The following TTLL9 variants were observed in gnomAD, a reference collection of about 807,000 sequenced individuals.
The protein encoded by TTLL9 is tubulin tyrosine ligase like 9, also known as probable tubulin polyglutamylase TTLL9.
Under a neutral mutation model 65.6 loss-of-function variants are expected in TTLL9, and 47 were observed. The ratio of observed to expected loss-of-function variants is 0.72; its 90% CI spans 0.57 to 0.91. TTLL9 has a LOEUF of 0.91. TTLL9 is among the 40% of genes least tolerant of loss of function. The pLI, the probability that TTLL9 is intolerant of heterozygous loss-of-function variation, is 0.00. For missense variants in TTLL9, 537 were observed against 568.8 expected (o/e 0.94, Z 0.57); for synonymous variants, 179 against 204.8 (o/e 0.87, Z 1.07).
At chr20:31,910,222 T>C (rs1308063270) in intron 6 of TTLL9, among the ~76,000 whole-genome samples, 1 of 152,220 alleles carries the variant, frequency 6.6e-6, no homozygotes, top group Non-Finnish European at 1.5e-5. Context: ...CCAGTCCTCA[T>C]AGTGACCCTC....
At chr20:31,890,737 T>C (rs960161571) in intron 3 of TTLL9, among the ~76,000 whole-genome samples, 13 of 152,172 alleles carry the variant, frequency 8.5e-5, no homozygotes, top group African/African-American at 3.1e-4. Flanking sequence ...TTATCCTAAG[T>C]GAGAGATGAG....
At chr20:31,916,895 C>T (rs1056383545) in intron 6 of TTLL9, among the ~76,000 whole-genome samples, 2 of 152,154 alleles carry the variant, frequency 1.3e-5, no homozygotes, top group Non-Finnish European at 2.9e-5. Context: ...CAAAACTGGT[C>T]ATGTGGTTTC....
intron 6 of TTLL9, among the ~76,000 whole-genome samples, chr20:31,916,220 A>G (rs2063731551): frequency 6.6e-6 from 1 of 152,214 alleles, no homozygotes; most frequent in Admixed American, 6.5e-5. Flanking sequence ...GGCAGAAGCT[A>G]TATTGCCTTT....
chr20:31,938,682 A>G (rs1600632010), intron 13 of TTLL9, among the ~76,000 whole-genome samples: 1 of 152,274 alleles, frequency 6.6e-6, no homozygotes, highest in East Asian at 1.9e-4. Flanking sequence ...GTTTGAGACC[A>G]TCCTGGCCAA....
chr20:31,888,956 T>C (rs1336559491), intron 3 of TTLL9, among the ~76,000 whole-genome samples: 2 of 151,886 alleles, frequency 1.3e-5, no homozygotes, highest in Admixed American at 6.6e-5. Flanking sequence ...ACTTTCAACA[T>C]TGAGAATCAC....
chr20:31,890,954 A>G (rs2063300551), intron 3 of TTLL9, among the ~76,000 whole-genome samples: 1 of 152,154 alleles, frequency 6.6e-6, no homozygotes. Flanking sequence ...TGCCAAAGGG[A>G]TATGGGTGGA....
intron 4 of TTLL9, among the ~76,000 whole-genome samples, chr20:31,908,325 A>G (rs756598645): frequency 6.6e-6 from 1 of 152,130 alleles, no homozygotes; most frequent in Non-Finnish European, 1.5e-5. Context: ...CAGCCCAGCT[A>G]ATAGGTGCCA....
chr20:31,903,567 A>T (rs1012882781), intron 4 of TTLL9, among the ~76,000 whole-genome samples: 3 of 152,108 alleles, frequency 2.0e-5, no homozygotes, highest in African/African-American at 7.2e-5. Flanking sequence ...GGTCACAAAG[A>T]TTTACTCCTA....
intron 13 of TTLL9, 52 bp from the exon 14 acceptor site, chr20:31,939,090 G>T (rs1254902403): frequency 6.6e-7 from 1 of 1,512,140 alleles, no homozygotes; most frequent in African/African-American, 1.4e-5. Flanking sequence ...TTGGGTCTTA[G>T]GGCTCTGCCA....
intron 2 of TTLL9, among the ~76,000 whole-genome samples, chr20:31,881,321 T>G (rs2063115210): frequency 6.6e-6 from 1 of 152,236 alleles, no homozygotes; most frequent in Admixed American, 6.5e-5. Context: ...TCTGACTTGT[T>G]CTTCCCTGTA....
rs139467530 is a variant in TTLL9 at position 31,927,706 on chromosome 20, C to G, written c.748+1615C>G. The stretch of plus-strand genomic sequence containing the variant: ...AGAAGAAAAGAGGTAGACAATCCAG[C>G]AATATTTTGGAGGCAAATGGGCGGG... On this transcript the variant is annotated intron_variant, in intron 10 of 14. Coordinates refer to ENST00000535842, the MANE Select transcript of TTLL9 (RefSeq NM_001008409.5). Among the ~76,000 whole-genome samples, 20 of 152,254 alleles carry G rather than the reference C, an allele frequency of 1.3e-4. No homozygotes were observed. The East Asian group carries it at 3.9e-3, about 29-fold the overall frequency.
intron 6 of TTLL9, among the ~76,000 whole-genome samples, chr20:31,918,500 T>C (rs954083117): frequency 6.6e-6 from 1 of 152,126 alleles, no homozygotes; most frequent in Non-Finnish European, 1.5e-5. Flanking sequence ...GCCTCCCAGA[T>C]AGCTGGTACT....
chr20:31,928,522 A>G (rs2063948132), intron 10 of TTLL9, among the ~76,000 whole-genome samples: 2 of 150,902 alleles, frequency 1.3e-5, no homozygotes, highest in South Asian at 4.1e-4. Flanking sequence ...TAGTTTATAC[A>G]TAATTATTCA....
At chr20:31,925,806 G>GGC in intron 9 of TTLL9, 1 of 1,406,698 alleles carries the variant, frequency 7.1e-7, no homozygotes, top group Non-Finnish European at 9.8e-7. Context: ...GCAAGAGCTA[G>GGC]GCGGTGTGAG....
chr20:31,925,805 A>C, intron 9 of TTLL9: 2 of 1,396,398 alleles, frequency 1.4e-6, no homozygotes, highest in African/African-American at 2.8e-5. Flanking sequence ...TGCAAGAGCT[A>C]GGCGGTGTGA....
chr20:31,908,555 C>A, intron 4 of TTLL9, 36 bp from the exon 5 acceptor site: 2 of 1,511,336 alleles, frequency 1.3e-6, no homozygotes, highest in Middle Eastern at 1.8e-4. Flanking sequence ...GGTCCTCAGA[C>A]CATGACCTTT....
chr20:31,895,437 C>T (rs1433407824), intron 3 of TTLL9, among the ~76,000 whole-genome samples: 1 of 152,222 alleles, frequency 6.6e-6, no homozygotes, highest in Admixed American at 6.5e-5. Flanking sequence ...ATGTGGGAAG[C>T]TGTGGTTTGG....
At chr20:31,897,228 C>G (rs1274177205) in intron 3 of TTLL9, among the ~76,000 whole-genome samples, 1 of 152,158 alleles carries the variant, frequency 6.6e-6, no homozygotes, top group Admixed American at 6.5e-5. Flanking sequence ...ATTCAAATTA[C>G]CTATTTCATA....
chr20:31,910,339 C>A (rs6121271), intron 6 of TTLL9, among the ~76,000 whole-genome samples: 1 of 152,218 alleles, frequency 6.6e-6, no homozygotes, highest in Non-Finnish European at 1.5e-5. Context: ...AGGCACAGAC[C>A]TAGGTGCTGA....
Sources: allele counts gnomAD v4.1 joint callset (sites outside exome capture counted in the v4.1 genomes callset), GRCh38; gene constraint gnomAD v4.1.1; transcripts MANE v1.5; gene names NCBI Gene and HGNC (gene_info 2026-07-23, HGNC 2026-07-21).